The following BCL11B variants were observed in gnomAD, a reference collection of about 807,000 sequenced individuals.
BCL11B encodes the protein BCL11 transcription factor B.
Under a neutral mutation model 49.9 loss-of-function variants are expected in BCL11B, and 8 were observed. The observed-to-expected ratio is 0.16, with a 90% CI of 0.09 to 0.29. The LOEUF is 0.29. Among genes scored for constraint, BCL11B ranks in the 10% least tolerant of loss-of-function variants. BCL11B has a pLI of 1.00. For missense variants in BCL11B, 1,006 were observed against 1,351.0 expected (o/e 0.74, Z 4.00); for synonymous variants, 739 against 637.4 (o/e 1.16, Z -2.40).
intron 2 of BCL11B, among the ~76,000 whole-genome samples, chr14:99,245,678 C>T (rs1888805340): frequency 1.7e-3 from 1 of 600 alleles, no homozygotes. Context: ...GCGACCCGAC[C>T]GGCGCGCACG....
At chr14:99,240,121 A>G (rs1312226544) in intron 2 of BCL11B, among the ~76,000 whole-genome samples, 2 of 152,202 alleles carry the variant, frequency 1.3e-5, no homozygotes, top group African/African-American at 4.8e-5. Flanking sequence ...CAGGGCCAGC[A>G]GGGTTTCTTG....
At position 99,174,302 on chromosome 14, in the gene BCL11B, G is replaced by A; in HGVS notation, c.2534C>T (p.Thr845Met). Residue 845 changes from threonine (T) to methionine (M), a missense_variant, in exon 4 of 4, where the codon ACG becomes ATG. By Grantham distance (81) the Thr-to-Met change is moderately conservative (BLOSUM62 -1). Around this residue, in one of 6 missense-constraint regions of BCL11B, gnomAD observed 24 missense variants for 128.4 expected, o/e 0.19. Transcript: ENST00000357195. ...CACCTCCTTGCCGATCTGCCCGTGC[G>A]TCTTCATGTGGCGCGTGAGCTTGCT... The part of the protein sequence containing the change: ...QSSKLTRHMK[T>M]HGQIGKEVYR... 1.2e-6 allele frequency: 2 copies of A among 1,613,452 alleles called. No homozygotes were observed. The highest frequency in any genetic ancestry group is 8.5e-7 in the Non-Finnish European group (1 of 1,180,002).
At chr14:99,199,121 T>A (rs1330492433) in intron 3 of BCL11B, among the ~76,000 whole-genome samples, 1 of 152,224 alleles carries the variant, frequency 6.6e-6, no homozygotes, top group Non-Finnish European at 1.5e-5. Flanking sequence ...AAAATGTTCA[T>A]TACCGAATTA....
In BCL11B at chr14:99,175,234, G is replaced by A. The variant is rs1566793889; in HGVS notation, c.1602C>T (p.Asp534=). The stretch of plus-strand genomic sequence containing the variant: ...CCTCCTCCTCCTCCTCCTCCTCCTC[G>A]TCCTCCTCCTCCGGCTCGTGGCCCA... ...PSLGHEPEEE[D]EEEEEEEEEL... Residue 534 remains aspartate (D), a synonymous_variant, in exon 4 of 4, where the codon GAC becomes GAT. Transcript: ENST00000357195. 12 of 1,546,956 alleles carry A rather than the reference G, an allele frequency of 7.8e-6. 1 individual carries two copies. In the East Asian group the frequency reaches 2.9e-4, roughly 38 times the overall value.
chr14:99,264,943 C>T (rs1011443985), intron 1 of BCL11B, among the ~76,000 whole-genome samples: 3 of 152,090 alleles, frequency 2.0e-5, no homozygotes, highest in Non-Finnish European at 4.4e-5. Flanking sequence ...AGAGGGGGAC[C>T]GAGCCTGAGC....
At chr14:99,236,497 C>T (rs1888503532) in intron 2 of BCL11B, among the ~76,000 whole-genome samples, 1 of 152,180 alleles carries the variant, frequency 6.6e-6, no homozygotes, top group Admixed American at 6.5e-5. Flanking sequence ...AGACTTGAAA[C>T]TCCAGTGTGT....
chr14:99,231,301 C>T lies in BCL11B; in HGVS notation c.640+44G>A, dbSNP rs749163762. 6.3e-6 allele frequency: 10 copies of T among 1,584,574 alleles called. No homozygotes were observed. The highest frequency in any genetic ancestry group is 2.3e-4 in the Middle Eastern group (1 of 4,412). The stretch of plus-strand genomic sequence containing the variant: ...CTCCAGCGCTGCCCATGGCACACCC[C>T]GCCATCCCGGGGGCCCGCCCCCCAC... On this transcript the variant is annotated intron_variant, in intron 3 of 3. Transcript: ENST00000357195. This position sits in a 1 kb window ranked among gnomAD's most constrained non-coding sequence, Gnocchi z 8.1.
Position 99,176,070 on chromosome 14 carries a change from T to C in BCL11B, c.766A>G (p.Ser256Gly), listed in dbSNP as rs1185717783. The C allele has an allele frequency of 6.2e-7, 1 of 1,604,886 alleles. No individual in the cohort carries two copies. Among genetic ancestry groups the C allele is most frequent in the Non-Finnish European group, 8.5e-7 (1 of 1,175,600 alleles). Reference sequence around the variant, plus strand: ...GTGAGCCGCGGCGTGAGCGAGCTGCTGGCCGGCCCGGGCTCCAGGTAGATG... The same window carrying C: ...GTGAGCCGCGGCGTGAGCGAGCTGCCGGCCGGCCCGGGCTCCAGGTAGATG... ...FRIYLEPGPA[S>G]SSLTPRLTIP... Residue 256 changes from serine to glycine, a missense_variant, in exon 4 of 4, where the codon AGC becomes GGC. By Grantham distance (56) the Ser-to-Gly change is moderately conservative. Around this residue, in one of 6 missense-constraint regions of BCL11B, gnomAD observed 411 missense variants for 542.2 expected, o/e 0.76. Transcript: ENST00000357195.
chr14:99,175,924 G>A lies in BCL11B; in HGVS notation c.912C>T (p.Gly304=), dbSNP rs1195795510. 6.9e-7 allele frequency: 1 copy of A among 1,447,030 alleles called. No homozygotes were observed. The highest frequency in any genetic ancestry group is 1.5e-5 in the African/African-American group (1 of 67,092). 89.6% of individuals were successfully genotyped at this position (1,447,030 alleles called of 1,614,324 possible). The part of the protein sequence containing the change: ...MTGPILRDHP[G]FGEGRLPGTP... The stretch of plus-strand genomic sequence containing the variant: ...TGCCCGGCAGGCGGCCCTCGCCGAA[G>A]CCCGGGTGGTCCCGCAGGATGGGGC... The change falls in exon 4 of 4, where the codon GGC becomes GGT. Residue 304 remains glycine (G), a synonymous_variant. Coordinates refer to ENST00000357195, the MANE Select transcript of BCL11B (RefSeq NM_138576.4).
At chr14:99,217,277 CACAT>C (rs376613740) in intron 3 of BCL11B, among the ~76,000 whole-genome samples, 463 of 146,736 alleles carry the variant, frequency 3.2e-3, no homozygotes, top group Non-Finnish European at 4.2e-3. Flanking sequence ...TGCAAATACT[CACAT>C]ACAAACACAC....
intron 3 of BCL11B, among the ~76,000 whole-genome samples, chr14:99,180,687 CAGGCGTTACG>C (rs1403807564): frequency 2.6e-5 from 4 of 152,204 alleles, no homozygotes; most frequent in Non-Finnish European, 5.9e-5. Flanking sequence ...CATGGCTATG[CAGGCGTTACG>C]ATGGGGTTTG....
chr14:99,173,151 C>T lies in BCL11B; in HGVS notation c.*1000G>A, dbSNP rs1195978957. On this transcript the variant is annotated 3_prime_UTR_variant, in exon 4 of 4. Coordinates refer to ENST00000357195, the MANE Select transcript of BCL11B (RefSeq NM_138576.4). ...CTAAAAGAACACCGCTAGTTTCTTC[C>T]TTTCTGTGTCACTGCAGGCCACCCC... 4.3e-6 allele frequency: 1 copy of T among 230,866 alleles called. No individual in the cohort carries two copies. The highest frequency in any genetic ancestry group is 1.8e-4 in the South Asian group (1 of 5,506). 14.3% of individuals were successfully genotyped at this position (230,866 alleles called of 1,614,324 possible). A position where few individuals can be genotyped will look rare whatever the true frequency, so the allele number is the denominator to read the frequency against.
At chr14:99,183,547 G>A (rs1044457370) in intron 3 of BCL11B, among the ~76,000 whole-genome samples, 3 of 151,936 alleles carry the variant, frequency 2.0e-5, no homozygotes, top group Non-Finnish European at 4.4e-5. Context: ...CAGACACTTC[G>A]GCCAAGTTGC....
chr14:99,227,670 T>A (rs1490417863), intron 3 of BCL11B, among the ~76,000 whole-genome samples: 1 of 152,124 alleles, frequency 6.6e-6, no homozygotes, highest in African/African-American at 2.4e-5. Flanking sequence ...AAATGTTGCA[T>A]ACATACACAT....
intron 1 of BCL11B, among the ~76,000 whole-genome samples, chr14:99,267,547 C>CCA (rs748232614): frequency 4.7e-5 from 1 of 21,226 alleles, no homozygotes; most frequent in Non-Finnish European, 8.4e-5. Context: ...GAACTTCACC[C>CCA]CCCCCCCACC....
At chr14:99,243,039 T>A (rs753519997) in intron 2 of BCL11B, among the ~76,000 whole-genome samples, 2 of 152,164 alleles carry the variant, frequency 1.3e-5, no homozygotes, top group Non-Finnish European at 2.9e-5. Context: ...TCCTCCCTAA[T>A]CCAAGTCTAC....
intron 2 of BCL11B, among the ~76,000 whole-genome samples, chr14:99,234,855 CAAAAAAAAA>C (rs34831762): frequency 1.5e-5 from 1 of 66,638 alleles, no homozygotes; most frequent in African/African-American, 6.1e-5. Flanking sequence ...GGTCTATGCA[CAAAAAAAAA>C]AAAAAAAAAA....
rs1350495752 is a variant in BCL11B, at chr14:99,257,019, G to A, written c.427+452C>T. Among the ~76,000 whole-genome samples, 6 of 152,088 alleles carry A rather than the reference G, an allele frequency of 3.9e-5. No individual in the cohort carries two copies. Among genetic ancestry groups the A allele is most frequent in the Non-Finnish European group, 7.4e-5 (5 of 68,020 alleles). On this transcript the variant is annotated intron_variant, in intron 2 of 3. Transcript: ENST00000357195. This position sits in a 1 kb window ranked among gnomAD's most constrained non-coding sequence, Gnocchi z 6.2. ...TCATGCCGCATGCAACAGCTCATTC[G>A]TCCTCACAGCAACCCTAATGAGGTG...
chr14:99,188,537 C>CCTGGGGCTGGGG lies in BCL11B; in HGVS notation c.641-12354_641-12343dup, dbSNP rs71110575. Among the ~76,000 whole-genome samples, 705 of 136,172 alleles carry CCTGGGGCTGGGG rather than the reference C, an allele frequency of 5.2e-3. 10 individuals are homozygous for CCTGGGGCTGGGG. The highest frequency in any genetic ancestry group is 0.013 in the Admixed American group (185 of 13,864). 89.3% of individuals were successfully genotyped at this position (136,172 alleles called of 152,430 possible). On this transcript the variant is annotated intron_variant, in intron 3 of 3. Coordinates refer to ENST00000357195, the MANE Select transcript of BCL11B (RefSeq NM_138576.4). ...ATACATCTCTCCAACCAATGGCTGG[C>CCTGGGGCTGGGG]CTGGGGCTGGGGCTGGGGCTGGGGC...
Sources: allele counts gnomAD v4.1 joint callset (sites outside exome capture counted in the v4.1 genomes callset), GRCh38; gene constraint gnomAD v4.1.1; regional missense constraint gnomAD v4.1.1; non-coding constraint Gnocchi (gnomAD v3.1); transcripts MANE v1.5; gene names NCBI Gene and HGNC (gene_info 2026-07-23, HGNC 2026-07-21).